CD8B: variants seen among roughly 807,000 people sequenced by gnomAD.
CD8B encodes T-cell surface glycoprotein CD8 beta chain.
In CD8B, 6 loss-of-function variants were observed where a neutral mutation model predicts 24.2. The observed-to-expected ratio is 0.25, with a 90% CI of 0.14 to 0.49. The LOEUF (loss-of-function observed/expected upper bound fraction) is 0.49, where lower values mean the gene tolerates loss of function less well. CD8B is among the 20% of genes least tolerant of loss of function. The pLI is 0.98. For missense variants in CD8B, 196 were observed against 271.3 expected, an observed-to-expected ratio of 0.72 and a Z score of 1.95; for synonymous variants, 84 against 108.3, an observed-to-expected ratio of 0.78 and a Z score of 1.39.
At chr2:86,815,582 A>G (rs763085399) in exon 6 of CD8B, 7 of 1,314,644 alleles carry the variant, frequency 5.3e-6, no homozygotes, top group Non-Finnish European at 6.6e-6. Flanking sequence ...GTAAAGATCC[A>G]CTCATCAGGA....
intron 1 of CD8B, among the ~76,000 whole-genome samples, chr2:86,861,588 T>C (rs1008954994): frequency 6.6e-6 from 1 of 152,148 alleles, no homozygotes; most frequent in Non-Finnish European, 1.5e-5. Flanking sequence ...TCCAGGCTTT[T>C]GAGGGGAGGT....
intron 5 of CD8B, among the ~76,000 whole-genome samples, chr2:86,818,119 A>G (rs900336078): frequency 6.6e-6 from 1 of 152,128 alleles, no homozygotes; most frequent in African/African-American, 2.4e-5. Context: ...CTGAGGCAGG[A>G]GAATTGCTTG....
intron 1 of CD8B, among the ~76,000 whole-genome samples, chr2:86,860,708 A>T (rs1220738759): frequency 6.6e-6 from 1 of 152,176 alleles, no homozygotes; most frequent in Non-Finnish European, 1.5e-5. Flanking sequence ...TTATGTGCTC[A>T]CGAGCACACA....
intron 2 of CD8B, among the ~76,000 whole-genome samples, chr2:86,854,462 C>T (rs544682299): frequency 1.4e-3 from 211 of 152,258 alleles, no homozygotes; most frequent in Middle Eastern, 6.8e-3. Context: ...CAAAGGTGAA[C>T]GCCAGAGATG....
At chr2:86,858,518 G>T in intron 1 of CD8B, 102 bp from the exon 2 acceptor site, 8 of 1,381,124 alleles carry the variant, frequency 5.8e-6, no homozygotes, top group Non-Finnish European at 7.7e-6. Context: ...GCCATGGAAG[G>T]ACCTGCCCAG....
chr2:86,858,562 G>T, intron 1 of CD8B, 146 bp from the exon 2 acceptor site: 1 of 1,428,702 alleles, frequency 7.0e-7, no homozygotes, highest in Non-Finnish European at 9.2e-7. Context: ...GAGCGCAGCT[G>T]TTGGCTCCTG....
chr2:86,837,325 C>T (rs1275460355), downstream of CD8B, among the ~76,000 whole-genome samples: 3 of 152,176 alleles, frequency 2.0e-5, no homozygotes, highest in South Asian at 2.1e-4. Flanking sequence ...TCTTTTTCAG[C>T]GCCTCTGCTT....
chr2:86,844,786 G>A (rs1223437759), intron 5 of CD8B, 136 bp downstream of exon 5: 1 of 1,540,690 alleles, frequency 6.5e-7, no homozygotes, highest in Non-Finnish European at 8.8e-7. Flanking sequence ...GTGACTACAG[G>A]TGTGCACTAC....
intron 5 of CD8B, chr2:86,843,681 A>G: frequency 1.0e-6 from 1 of 985,398 alleles, no homozygotes; most frequent in Non-Finnish European, 1.2e-6. Context: ...GCACTTGCAG[A>G]GTGGAATTTA....
In CD8B at chr2:86,852,019, A is replaced by T. The variant is rs181005895; in HGVS notation, c.493+978T>A. Among the ~76,000 whole-genome samples, 5 of 152,342 alleles carry T rather than the reference A, an allele frequency of 3.3e-5. No homozygotes were observed. In the East Asian group the frequency reaches 9.6e-4, roughly 29 times the overall value. ...GGTCTGGCTCTATCACCCAGGCTGGAGTGCAGTGGCAGGATCTCAGCTCAC... is the reference window on the plus strand; with the variant it reads ...GGTCTGGCTCTATCACCCAGGCTGGTGTGCAGTGGCAGGATCTCAGCTCAC... On this transcript the variant is annotated intron_variant, in intron 3 of 5. Transcript: ENST00000390655.
intron 5 of CD8B, among the ~76,000 whole-genome samples, chr2:86,819,671 A>T (rs1378328358): frequency 6.6e-6 from 1 of 152,242 alleles, no homozygotes; most frequent in Non-Finnish European, 1.5e-5. Flanking sequence ...GATCTGATGG[A>T]GATGTACAAG....
At chr2:86,848,014 G>A (rs1467283981) in intron 3 of CD8B, among the ~76,000 whole-genome samples, 1 of 152,138 alleles carries the variant, frequency 6.6e-6, no homozygotes, top group East Asian at 1.9e-4. Flanking sequence ...CAGCATGGAT[G>A]TACCATGAGT....
At chr2:86,860,200 G>T (rs1329058415) in intron 1 of CD8B, among the ~76,000 whole-genome samples, 1 of 152,286 alleles carries the variant, frequency 6.6e-6, no homozygotes, top group Admixed American at 6.5e-5. Flanking sequence ...AACCCGGGAG[G>T]CGGAGATTGC....
At chr2:86,824,022 C>T (rs1352670244) in intron 5 of CD8B, among the ~76,000 whole-genome samples, 1 of 151,140 alleles carries the variant, frequency 6.6e-6, no homozygotes, top group Non-Finnish European at 1.5e-5. Context: ...CTGGGGGACA[C>T]GCAGGGAGAT....
chr2:86,847,914 A>C (rs1198365851), intron 3 of CD8B, among the ~76,000 whole-genome samples: 2 of 152,200 alleles, frequency 1.3e-5, no homozygotes, highest in African/African-American at 4.8e-5. Flanking sequence ...TATACTGTAC[A>C]AATTGTTCTT....
In CD8B at chr2:86,841,331, T is replaced by A. The variant is rs1206327815; in HGVS notation, c.*976A>T. Among the ~76,000 whole-genome samples, 2 of 148,540 alleles carry A rather than the reference T, an allele frequency of 1.3e-5. No individual in the cohort carries two copies. Among genetic ancestry groups the A allele is most frequent in the Non-Finnish European group, 3.0e-5 (2 of 67,308 alleles). ...GGGATCCCTGCGGTTCAACCCGCGGTAGAAATGAACACGTGCTAGTTCAGC... is the reference window on the plus strand; with the variant it reads ...GGGATCCCTGCGGTTCAACCCGCGGAAGAAATGAACACGTGCTAGTTCAGC... On this transcript the variant is annotated 3_prime_UTR_variant, in exon 6 of 6. Transcript: ENST00000390655.
downstream of CD8B, among the ~76,000 whole-genome samples, chr2:86,833,502 C>T (rs550549444): frequency 9.1e-4 from 126 of 138,248 alleles, no homozygotes; most frequent in East Asian, 0.024. Flanking sequence ...TCCTCCCCTC[C>T]CCTCCGCTCT....
In CD8B at chr2:86,858,053, T is replaced by C; in HGVS notation, c.403+4A>G. On this transcript the variant is annotated splice_donor_region_variant and intron_variant, in intron 2 of 5. Transcript: ENST00000390655. ...TCACTGATAGCATTGAGCCTGCTTC[T>C]TACCCACACTCAGCTGAGTTCCCTT... 1 of 1,613,466 alleles carries C rather than the reference T, an allele frequency of 6.2e-7. No homozygotes were observed. The highest frequency in any genetic ancestry group is 2.2e-5 in the East Asian group (1 of 44,856).
rs1573507865 is a variant in CD8B, at chr2:86,840,054, G to A, written c.*2253C>T. Among the ~76,000 whole-genome samples, 2 of 152,192 alleles carry A rather than the reference G, an allele frequency of 1.3e-5. No individual in the cohort carries two copies. The highest frequency in any genetic ancestry group is 3.9e-4 in the East Asian group (2 of 5,190). On this transcript the variant is annotated 3_prime_UTR_variant, in exon 6 of 6. Transcript: ENST00000390655. ...TGCTGAGGCAGGAGTCTAGGGTCTGGGGGCAGGGAATCTAAGGCCAATTCG... is the reference window on the plus strand; with the variant it reads ...TGCTGAGGCAGGAGTCTAGGGTCTGAGGGCAGGGAATCTAAGGCCAATTCG...
Sources: allele counts gnomAD v4.1 joint callset (sites outside exome capture counted in the v4.1 genomes callset), GRCh38; gene constraint gnomAD v4.1.1; transcripts MANE v1.5; gene names NCBI Gene and HGNC (gene_info 2026-07-23, HGNC 2026-07-21).